Variants in SPOCK1 observed in about 807,000 individuals in gnomAD.
The protein encoded by SPOCK1 is testican-1.
SPOCK1 carries 23 observed loss-of-function variants against 55.3 expected under a neutral mutation model. The ratio of observed to expected loss-of-function variants is 0.42; its 90% CI spans 0.30 to 0.59. The LOEUF (loss-of-function observed/expected upper bound fraction) is 0.59. Among genes scored for constraint, SPOCK1 ranks in the 20% least tolerant of loss-of-function variants. SPOCK1 has a pLI of 0.22. For missense variants in SPOCK1, 499 were observed against 552.5 expected, an observed-to-expected ratio of 0.90 and a Z score of 0.97; for synonymous variants, 226 against 221.0, an observed-to-expected ratio of 1.02 and a Z score of -0.20.
At chr5:137,069,975 T>G (rs1425733007) in intron 5 of SPOCK1, among the ~76,000 whole-genome samples, 1 of 152,204 alleles carries the variant, frequency 6.6e-6, no homozygotes, top group Non-Finnish European at 1.5e-5. Flanking sequence ...GAGAGAGGAA[T>G]CCACACTTCT....
At chr5:137,069,123 T>C (rs1489036842) in intron 5 of SPOCK1, among the ~76,000 whole-genome samples, 2 of 152,140 alleles carry the variant, frequency 1.3e-5, no homozygotes, top group Non-Finnish European at 1.5e-5. Context: ...CACACACGAG[T>C]GCAGATAAAT....
chr5:137,013,240 G>GT (rs1299554548), intron 6 of SPOCK1, among the ~76,000 whole-genome samples: 2 of 122,176 alleles, frequency 1.6e-5, no homozygotes, highest in Non-Finnish European at 3.8e-5. Flanking sequence ...GTTTTGTTTT[G>GT]TTTTTTGGCC....
intron 2 of SPOCK1, among the ~76,000 whole-genome samples, chr5:137,409,024 C>A (rs1752157607): frequency 6.6e-6 from 1 of 152,184 alleles, no homozygotes; most frequent in Non-Finnish European, 1.5e-5. Context: ...CCCAAACACA[C>A]ATTTTAGAGC....
At chr5:137,127,948 T>A (rs139117052) in intron 4 of SPOCK1, among the ~76,000 whole-genome samples, 14 of 152,354 alleles carry the variant, frequency 9.2e-5, no homozygotes, top group African/African-American at 3.4e-4. Context: ...GAAAAGGACA[T>A]GAATTTAATG....
At chr5:137,223,722 G>T (rs1755899394) in intron 3 of SPOCK1, among the ~76,000 whole-genome samples, 4 of 152,254 alleles carry the variant, frequency 2.6e-5, no homozygotes, top group African/African-American at 9.6e-5. Context: ...ATGTAAGGTT[G>T]TACAAGCAAA....
chr5:137,334,516 G>A (rs536435671), intron 2 of SPOCK1, among the ~76,000 whole-genome samples: 5 of 152,290 alleles, frequency 3.3e-5, no homozygotes, highest in South Asian at 2.1e-4. Context: ...CGCAGAACGC[G>A]TTCCCTGTGC....
chr5:137,254,516 G>T (rs1436091555), intron 3 of SPOCK1, among the ~76,000 whole-genome samples: 2 of 152,130 alleles, frequency 1.3e-5, no homozygotes, highest in Non-Finnish European at 2.9e-5. Context: ...ATATGGATTT[G>T]CTAATGTCTT....
chr5:137,096,302 G>GA (rs11405639), intron 5 of SPOCK1, among the ~76,000 whole-genome samples: 42,598 of 143,778 alleles, frequency 0.3, 6,510 homozygotes, highest in Non-Finnish European at 0.36. Context: ...AGACAAAAAA[G>GA]AAAAAAAAAA....
chr5:137,404,517 C>G (rs1477762812), intron 2 of SPOCK1, among the ~76,000 whole-genome samples: 1 of 149,684 alleles, frequency 6.7e-6, no homozygotes, highest in African/African-American at 2.5e-5. Flanking sequence ...TCAAGCTATT[C>G]TCCTGCCTCA....
At chr5:137,238,943 C>T (rs1023431345) in intron 3 of SPOCK1, among the ~76,000 whole-genome samples, 1 of 152,262 alleles carries the variant, frequency 6.6e-6, no homozygotes, top group South Asian at 2.1e-4. Context: ...GCTCCTAAAA[C>T]CCTTAGAATG....
In SPOCK1 at chr5:137,333,738, C is replaced by T. The variant is rs571865359; in HGVS notation, c.187-66683G>A. ...AAACAAATAGTAACTGTAATCTGGT[C>T]AAAGCCGAGAATTTACATTTCTCAG... On this transcript the variant is annotated intron_variant, in intron 2 of 10. Transcript: ENST00000394945. 1.5e-4 allele frequency among the ~76,000 whole-genome samples: 23 copies of T among 152,272 alleles called. No homozygotes were observed. The South Asian group carries it at 4.6e-3, about 30-fold the overall frequency.
intron 3 of SPOCK1, among the ~76,000 whole-genome samples, chr5:137,225,090 C>G (rs1175412788): frequency 6.6e-6 from 1 of 152,068 alleles, no homozygotes; most frequent in South Asian, 2.1e-4. Flanking sequence ...TGAAACACGT[C>G]CACCAAGCCA....
rs752194074 is a variant in SPOCK1 at position 136,985,171 on chromosome 5, A to G, written c.960T>C (p.Ile320=). 1 of 1,614,010 alleles carries G rather than the reference A, an allele frequency of 6.2e-7. No individual in the cohort carries two copies. Among genetic ancestry groups the G allele is most frequent in the African/African-American group, 1.3e-5 (1 of 74,932 alleles). The change falls in exon 9 of 11, where the codon ATT becomes ATC. Residue 320 remains isoleucine, a synonymous_variant. Coordinates refer to ENST00000394945, the MANE Select transcript of SPOCK1 (RefSeq NM_004598.4). ...GLPCQNEMNR[I]QKLSKGKSLL... Reference sequence around the variant, plus strand: ...GGCTTTTCCCCTTACTCAGCTTCTGAATTCTGTTCATTTCATTCTGGCAAG... The same window carrying G: ...GGCTTTTCCCCTTACTCAGCTTCTGGATTCTGTTCATTTCATTCTGGCAAG...
intron 2 of SPOCK1, among the ~76,000 whole-genome samples, chr5:137,271,254 C>A (rs1437103267): frequency 6.6e-6 from 1 of 151,418 alleles, no homozygotes. Flanking sequence ...GTACTGAAAC[C>A]TGTGAAATTA....
chr5:137,180,296 T>A (rs1265589714), intron 3 of SPOCK1, among the ~76,000 whole-genome samples: 1 of 151,934 alleles, frequency 6.6e-6, no homozygotes, highest in Non-Finnish European at 1.5e-5. Flanking sequence ...AGTATTAATA[T>A]TATGTTTTGT....
chr5:137,289,223 CTT>C (rs1241475782), intron 2 of SPOCK1, among the ~76,000 whole-genome samples: 47 of 152,288 alleles, frequency 3.1e-4, no homozygotes. Context: ...AAGTAATACT[CTT>C]GTTTAATAAA....
At chr5:137,266,086 T>C (rs1188351816) in intron 3 of SPOCK1, among the ~76,000 whole-genome samples, 2 of 152,146 alleles carry the variant, frequency 1.3e-5, no homozygotes, top group African/African-American at 2.4e-5. Flanking sequence ...TAGTGACCCA[T>C]TAAACTGACC....
At chr5:137,160,563 AT>A (rs1373252306) in intron 3 of SPOCK1, among the ~76,000 whole-genome samples, 8 of 69,014 alleles carry the variant, frequency 1.2e-4, no homozygotes, top group Middle Eastern at 5.6e-3. Context: ...TATATTATAT[AT>A]TATATATTAT....
chr5:137,470,613 T>C (rs976551218), intron 2 of SPOCK1, among the ~76,000 whole-genome samples: 20 of 151,796 alleles, frequency 1.3e-4, no homozygotes, highest in African/African-American at 4.8e-4. Flanking sequence ...TGGTGGCTCA[T>C]GCAAGAGCCA....
Sources: gnomAD v4.1 joint callset for allele counts (sites outside exome capture counted in the v4.1 genomes callset) on GRCh38, gnomAD v4.1.1 for gene constraint, MANE v1.5 for transcripts, NCBI Gene and HGNC (gene_info 2026-07-23, HGNC 2026-07-21) for gene names.